ERICH2: variants seen among roughly 807,000 people sequenced by gnomAD.
ERICH2 encodes the protein glutamate rich 2.
ERICH2 carries 17 observed loss-of-function variants against 17.4 expected under a neutral mutation model. The observed-to-expected ratio is 0.98, with a 90% CI of 0.67 to 1.47. The LOEUF (loss-of-function observed/expected upper bound fraction) is 1.47, where lower values mean the gene tolerates loss of function less well. ERICH2 is among the 40% of genes most tolerant of loss of function. The probability of loss-of-function intolerance (pLI) is 0.00; values close to 1 mark genes in which losing one functional copy is unlikely to be tolerated. For synonymous variants in ERICH2, 51 were observed against 61.1 expected (o/e 0.83, Z 0.77); for missense variants, 186 against 183.2 (o/e 1.01, Z -0.09).
At chr2:170,784,543 T>C (rs1701105480) in intron 1 of ERICH2, 103 bp from the exon 7 acceptor site, 7 of 560,256 alleles carry the variant, frequency 1.2e-5, no homozygotes, top group Non-Finnish European at 2.1e-5. Flanking sequence ...ATTATGTTAC[T>C]TTTATTAATA....
At chr2:170,781,551 T>C (rs1701028472), upstream of ERICH2, among the ~76,000 whole-genome samples, 1 of 151,628 alleles carries the variant, frequency 6.6e-6, no homozygotes, top group African/African-American at 2.4e-5. Context: ...GAGAATTGCT[T>C]GAACCTGGGA....
At chr2:170,781,663 T>C (rs569879721), upstream of ERICH2, among the ~76,000 whole-genome samples, 3 of 103,888 alleles carry the variant, frequency 2.9e-5, no homozygotes, top group Non-Finnish European at 4.9e-5. Context: ...TGGGTTTTTT[T>C]TCCCACAAGC....
At chr2:170,779,863 A>T (rs1700987475), upstream of ERICH2, 1 of 983,974 alleles carries the variant, frequency 1.0e-6, no homozygotes, top group Non-Finnish European at 1.2e-6. Flanking sequence ...GGTCTCTGTA[A>T]ATGTAGCTAA....
At chr2:170,798,921 T>C in exon 5 of ERICH2, 1 of 1,548,770 alleles carries the variant, frequency 6.5e-7, no homozygotes, top group Non-Finnish European at 8.7e-7. Flanking sequence ...TGAAGCTTCA[T>C]GTATTTTCAT....
At chr2:170,795,685 A>G (rs1407515044) in intron 3 of ERICH2, among the ~76,000 whole-genome samples, 1 of 152,194 alleles carries the variant, frequency 6.6e-6, no homozygotes, top group Non-Finnish European at 1.5e-5. Context: ...TCAAGAGTCC[A>G]AAGTACTTTA....
At chr2:170,778,005 A>G in the ERICH2 span, 1 of 243,312 alleles carries the variant, frequency 4.1e-6, no homozygotes, top group Non-Finnish European at 7.8e-6. Flanking sequence ...TATTTCTTTC[A>G]CAATATTTCT....
At chr2:170,770,897 T>A in the ERICH2 span, 1 of 107,054 alleles carries the variant, frequency 9.3e-6, no homozygotes, top group Non-Finnish European at 1.9e-5. Flanking sequence ...CCGCGCCCGC[T>A]CCGTCCCGCG....
chr2:170,776,755 CAG>C, the ERICH2 span, among the ~76,000 whole-genome samples: 1,797 of 148,660 alleles, frequency 0.012, 47 homozygotes, highest in African/African-American at 0.041. Flanking sequence ...AAAAAGATAA[CAG>C]AGAATTTCTT....
chr2:170,780,476 T>C (rs1701001481), upstream of ERICH2, among the ~76,000 whole-genome samples: 1 of 152,210 alleles, frequency 6.6e-6, no homozygotes, highest in Admixed American at 6.5e-5. Flanking sequence ...AATAGTAATA[T>C]TCCATTTACT....
chr2:170,794,648 G>A (rs532177480), intron 3 of ERICH2, among the ~76,000 whole-genome samples: 4 of 151,820 alleles, frequency 2.6e-5, no homozygotes, highest in South Asian at 2.1e-4. Context: ...GTGATAATAC[G>A]TTAAAAAAGA....
chr2:170,784,582 T>G, intron 1 of ERICH2, 64 bp from the exon 7 acceptor site: 1 of 1,001,484 alleles, frequency 1.0e-6, no homozygotes, highest in East Asian at 2.8e-5. Flanking sequence ...TAATAGGATC[T>G]GGCAAAATTT....
In ERICH2 at chr2:170,798,377, C is replaced by G. The variant is rs563319637; in HGVS notation, c.346+265C>G. On this transcript the variant is annotated intron_variant, in intron 4 of 4. Transcript: ENST00000409885. ...TATTGACAAGCAGAATATGCTAACA[C>G]GGCTGCGTGTTAAAGGAATTACCCA... is the stretch of plus-strand genomic sequence containing the variant. 1.1e-4 allele frequency among the ~76,000 whole-genome samples: 17 copies of G among 152,246 alleles called. No individual in the cohort carries two copies. The South Asian group carries it at 3.3e-3, about 30-fold the overall frequency.
chr2:170,798,694 G>T (rs1471427205), intron 4 of ERICH2, 76 bp from the exon 10 acceptor site: 2 of 1,513,980 alleles, frequency 1.3e-6, no homozygotes, highest in Admixed American at 4.1e-5. Flanking sequence ...TTGGTAGAGG[G>T]AGGGGCAAGG....
chr2:170,770,966 G>GCCC, the ERICH2 span: 1 of 144,880 alleles, frequency 6.9e-6, no homozygotes, highest in East Asian at 2.1e-4. Context: ...GGTTCCCCGG[G>GCCC]CTGCCCCTGC....
chr2:170,775,544 G>A, the ERICH2 span: 2 of 152,154 alleles, frequency 1.3e-5, no homozygotes, highest in Non-Finnish European at 2.9e-5. Flanking sequence ...CAGGGGAGAT[G>A]ATGTTAGATT....
rs530855562 is a variant in ERICH2 at position 170,790,696 on chromosome 2, C to T, written c.217-2167C>T. On this transcript the variant is annotated intron_variant, in intron 2 of 4. Coordinates refer to ENST00000409885, the Ensembl canonical transcript of ERICH2. ...GTGCATGCCTGTAATCCCAGCTTCT[C>T]AGGAGGCTGAGGCAGGAGAATCACT... Among the ~76,000 whole-genome samples the T allele has an allele frequency of 2.7e-4, 41 of 151,214 alleles. No individual in the cohort carries two copies. The South Asian group carries it at 8.5e-3, about 32-fold the overall frequency.
At chr2:170,784,619 G>C (rs1360313016) in intron 1 of ERICH2, 27 bp from the exon 7 acceptor site, 1 of 1,383,470 alleles carries the variant, frequency 7.2e-7, no homozygotes. Flanking sequence ...GATCTCTTTT[G>C]ATTAAATTAG....
At chr2:170,786,242 T>G (rs1559252966) in intron 2 of ERICH2, among the ~76,000 whole-genome samples, 3 of 152,154 alleles carry the variant, frequency 2.0e-5, no homozygotes, top group African/African-American at 7.2e-5. Context: ...AGCCTTGTTT[T>G]GTCTTAAAAG....
chr2:170,797,818 A>G (rs1217024996), intron 3 of ERICH2, among the ~76,000 whole-genome samples: 1 of 151,790 alleles, frequency 6.6e-6, no homozygotes, highest in Non-Finnish European at 1.5e-5. Flanking sequence ...AAAAAAAGAA[A>G]GAAAGAAAAT....
Sources: allele counts gnomAD v4.1 joint callset (sites outside exome capture counted in the v4.1 genomes callset), GRCh38; gene constraint gnomAD v4.1.1; transcripts MANE v1.5; gene names NCBI Gene and HGNC (gene_info 2026-07-23, HGNC 2026-07-21).